ATP8A2: variants seen among roughly 807,000 people sequenced by gnomAD.
ATP8A2 encodes phospholipid-transporting ATPase IB.
ATP8A2 carries 100 observed loss-of-function variants against 165.6 expected under a neutral mutation model. The observed-to-expected ratio is 0.60, with a 90% CI of 0.51 to 0.71. The LOEUF (loss-of-function observed/expected upper bound fraction) is 0.71. Among genes scored for constraint, ATP8A2 ranks in the 30% least tolerant of loss-of-function variants. ATP8A2 has a pLI of 0.00. For synonymous variants in ATP8A2, 543 were observed against 548.8 expected (o/e 0.99, Z 0.15); for missense variants, 1,227 against 1,479.5 (o/e 0.83, Z 2.80).
rs111735009 is a variant in ATP8A2 at position 25,383,297 on chromosome 13, G to C, written c.76+11009G>C. 9.8e-3 allele frequency among the ~76,000 whole-genome samples: 1,486 copies of C among 151,946 alleles called. 28 individuals are homozygous for C. Among genetic ancestry groups the C allele is most frequent in the African/African-American group, 0.034 (1,422 of 41,430 alleles). On this transcript the variant is annotated intron_variant, in intron 1 of 36. Transcript: ENST00000381655. Reference sequence around the variant, plus strand: ...CATTTGTATTTTTAGTAGAGACGGCGTTTCACCATGTTGGCCAGGATGGTC... The same window carrying C: ...CATTTGTATTTTTAGTAGAGACGGCCTTTCACCATGTTGGCCAGGATGGTC...
Position 25,589,647 on chromosome 13 carries a change from G to T in ATP8A2, c.2159G>T (p.Arg720Leu). Residue 720 changes from arginine to leucine, a missense_variant, in exon 24 of 37, where the codon CGA (arginine) becomes CTA (leucine). Coordinates refer to ENST00000381655, the MANE Select transcript of ATP8A2 (RefSeq NM_016529.6). ...TCCTCCACTTCAGGGTATTCCTGCC[G>T]ATTGGTATCGCAGAATATGGCCCTT... The part of the protein sequence containing the change: ...ETAINIGYSC[R>L]LVSQNMALIL... The T allele has an allele frequency of 6.2e-7, 1 of 1,611,704 alleles. No individual in the cohort carries two copies. The highest frequency in any genetic ancestry group is 8.5e-7 in the Non-Finnish European group (1 of 1,178,120).
intron 1 of ATP8A2, among the ~76,000 whole-genome samples, chr13:25,443,463 G>T (rs1200341444): frequency 6.6e-6 from 1 of 152,166 alleles, no homozygotes; most frequent in East Asian, 1.9e-4. Flanking sequence ...TTTAGATAAA[G>T]GTAATATGCA....
chr13:25,807,994 T>C (rs1036345276), intron 27 of ATP8A2, among the ~76,000 whole-genome samples: 2 of 152,226 alleles, frequency 1.3e-5, no homozygotes, highest in African/African-American at 2.4e-5. Context: ...TTAGTCTGTC[T>C]CTTAAGACAC....
At position 25,375,111 on chromosome 13, in the gene ATP8A2, A is replaced by G. The variant is rs184973892; in HGVS notation, c.76+2823A>G. On this transcript the variant is annotated intron_variant, in intron 1 of 36. Coordinates refer to ENST00000381655, the MANE Select transcript of ATP8A2 (RefSeq NM_016529.6). ...TCATTTTACCAAATGATGAAAATCC[A>G]AAGATTTGTGACCATGGGGATCCTC... is the stretch of plus-strand genomic sequence containing the variant. Among the ~76,000 whole-genome samples the G allele has an allele frequency of 1.7e-3, 252 of 152,316 alleles. 2 individuals carry two copies. The highest frequency in any genetic ancestry group is 5.7e-3 in the African/African-American group (236 of 41,570).
At chr13:25,514,980 G>A (rs934271462) in intron 2 of ATP8A2, among the ~76,000 whole-genome samples, 2 of 152,166 alleles carry the variant, frequency 1.3e-5, no homozygotes, top group Non-Finnish European at 2.9e-5. Context: ...GAGTGTCTGC[G>A]AGGGGATTTC....
At chr13:25,577,007 A>C in intron 19 of ATP8A2, 62 bp from the exon 20 acceptor site, 1 of 1,342,514 alleles carries the variant, frequency 7.4e-7, no homozygotes. Context: ...ATTGGTGTTC[A>C]GCTGTGGGAT....
intron 35 of ATP8A2, among the ~76,000 whole-genome samples, chr13:26,010,839 A>T (rs1294324106): frequency 6.6e-6 from 1 of 152,232 alleles, no homozygotes; most frequent in African/African-American, 2.4e-5. Flanking sequence ...TGCCAAGCTT[A>T]GCTAGCTGAG....
At chr13:25,869,934 A>G (rs1052175913) in intron 33 of ATP8A2, among the ~76,000 whole-genome samples, 1 of 152,206 alleles carries the variant, frequency 6.6e-6, no homozygotes, top group African/African-American at 2.4e-5. Context: ...CTTTGTCACA[A>G]GGACAGAGGG....
intron 1 of ATP8A2, among the ~76,000 whole-genome samples, chr13:25,455,328 G>C (rs1479256488): frequency 6.6e-6 from 1 of 152,210 alleles, no homozygotes; most frequent in Non-Finnish European, 1.5e-5. Flanking sequence ...ATTCAAGATT[G>C]TATGTCAGAC....
At position 25,952,719 on chromosome 13, in the gene ATP8A2, C is replaced by G. The variant is rs561388739; in HGVS notation, c.3184-8856C>G. On this transcript the variant is annotated intron_variant, in intron 33 of 36. Transcript: ENST00000381655. ...CAGAGTTAGGGCCAATTTCATTCAT[C>G]CTGCACTGATATTTGCCTTCCCAGC... 3.7e-4 allele frequency among the ~76,000 whole-genome samples: 57 copies of G among 152,226 alleles called. 1 individual carries two copies. The highest frequency in any genetic ancestry group is 1.2e-3 in the African/African-American group (51 of 41,532).
chr13:25,443,963 G>A (rs935080966), intron 1 of ATP8A2, among the ~76,000 whole-genome samples: 1 of 152,164 alleles, frequency 6.6e-6, no homozygotes, highest in Non-Finnish European at 1.5e-5. Flanking sequence ...TTAGCATAAA[G>A]TATATAAATG....
intron 30 of ATP8A2, among the ~76,000 whole-genome samples, chr13:25,844,721 C>T (rs189679938): frequency 6.6e-6 from 1 of 152,244 alleles, no homozygotes; most frequent in Non-Finnish European, 1.5e-5. Flanking sequence ...GATGGCCACC[C>T]ACACCCAGAG....
At chr13:25,780,924 G>A (rs2044861208) in intron 27 of ATP8A2, among the ~76,000 whole-genome samples, 1 of 152,150 alleles carries the variant, frequency 6.6e-6, no homozygotes, top group Non-Finnish European at 1.5e-5. Flanking sequence ...TGGCCCAGGG[G>A]TTGGGGATCC....
At chr13:25,747,707 A>C (rs2044065149) in intron 25 of ATP8A2, among the ~76,000 whole-genome samples, 1 of 152,122 alleles carries the variant, frequency 6.6e-6, no homozygotes, top group African/African-American at 2.4e-5. Context: ...ATAGATAACA[A>C]TTTCATTTAA....
At chr13:25,445,638 G>A (rs961492600) in intron 1 of ATP8A2, among the ~76,000 whole-genome samples, 3 of 152,194 alleles carry the variant, frequency 2.0e-5, no homozygotes, top group Non-Finnish European at 4.4e-5. Context: ...TAGAGACTAT[G>A]TGAGAAAAAT....
intron 33 of ATP8A2, among the ~76,000 whole-genome samples, chr13:25,961,150 G>A (rs935785198): frequency 1.3e-5 from 2 of 152,168 alleles, no homozygotes; most frequent in African/African-American, 2.4e-5. Flanking sequence ...ACCAAGTAGC[G>A]ATGACATGGG....
chr13:25,794,271 A>T (rs1427611603), intron 27 of ATP8A2, among the ~76,000 whole-genome samples: 1 of 152,354 alleles, frequency 6.6e-6, no homozygotes, highest in East Asian at 1.9e-4. Flanking sequence ...GAAACAACCT[A>T]TATGTCCCTT....
intron 27 of ATP8A2, among the ~76,000 whole-genome samples, chr13:25,801,110 G>T (rs1348356632): frequency 2.0e-5 from 3 of 152,196 alleles, no homozygotes; most frequent in Admixed American, 6.5e-5. Flanking sequence ...AACGGGAAAA[G>T]AAATCTGCCT....
intron 24 of ATP8A2, among the ~76,000 whole-genome samples, chr13:25,684,110 C>T (rs1377600023): frequency 2.6e-5 from 4 of 152,138 alleles, no homozygotes; most frequent in Admixed American, 6.5e-5. Context: ...AAAAGGCTTC[C>T]GCCCAGGATA....
Sources: allele counts gnomAD v4.1 joint callset (sites outside exome capture counted in the v4.1 genomes callset), GRCh38; gene constraint gnomAD v4.1.1; transcripts MANE v1.5; gene names NCBI Gene and HGNC (gene_info 2026-07-23, HGNC 2026-07-21).